ZNF586: variants seen among roughly 807,000 people sequenced by gnomAD.
ZNF586 encodes zinc finger protein 586.
Under a neutral mutation model 6.7 loss-of-function variants are expected in ZNF586, and 7 were observed. That is an observed-to-expected ratio of 1.04 (90% CI 0.59 to 1.95). ZNF586 has a LOEUF of 1.95. Among genes scored for constraint, ZNF586 ranks in the 30% most tolerant of loss-of-function variants. The pLI is 0.00. For missense variants in ZNF586, 442 were observed against 489.6 expected, an observed-to-expected ratio of 0.90 and a Z score of 0.92; for synonymous variants, 166 against 168.7, an observed-to-expected ratio of 0.98 and a Z score of 0.12.
chr19:57,771,273 C>A (rs1196741059), intron 1 of ZNF586, among the ~76,000 whole-genome samples: 3 of 148,118 alleles, frequency 2.0e-5, no homozygotes, highest in Admixed American at 6.8e-5. Flanking sequence ...TGCACTCCAG[C>A]CTGGGCGACA....
intron 1 of ZNF586, among the ~76,000 whole-genome samples, chr19:57,772,098 A>C (rs1468416027): frequency 6.6e-6 from 1 of 152,202 alleles, no homozygotes; most frequent in Non-Finnish European, 1.5e-5. Context: ...CTGGGATTAC[A>C]GGCTTGAGCC....
At chr19:57,770,573 G>A (rs1987070871) in intron 1 of ZNF586, among the ~76,000 whole-genome samples, 1 of 152,194 alleles carries the variant, frequency 6.6e-6, no homozygotes, top group Non-Finnish European at 1.5e-5. Context: ...AGAGTTGAAG[G>A]CAGTGATGAG....
chr19:57,770,887 A>G (rs1987078900), intron 1 of ZNF586, among the ~76,000 whole-genome samples: 1 of 151,560 alleles, frequency 6.6e-6, no homozygotes, highest in African/African-American at 2.4e-5. Flanking sequence ...GTTCTCACTC[A>G]ACACCCAGGC....
intron 2 of ZNF586, among the ~76,000 whole-genome samples, chr19:57,777,849 A>G (rs866912565): frequency 7.5e-6 from 1 of 133,156 alleles, no homozygotes; most frequent in Admixed American, 9.1e-5. Flanking sequence ...TCCGCCTCCC[A>G]GGTTCAAGTG....
At position 57,776,588 on chromosome 19, in the gene ZNF586, G is replaced by T; in HGVS notation, c.82G>T (p.Glu28Ter). ...EDVAVNFSLEEWSLLNEAQRC... is the reference protein window; with the variant it reads ...EDVAVNFSLE ...TGTGGCTGTAAACTTTTCCCTGGAG[G>T]AATGGAGTCTTCTTAATGAGGCTCA... Residue 28 changes from glutamate (E) to a stop codon, truncating the protein, a stop_gained, in exon 2 of 3, where the codon GAA (glutamate) becomes TAA (stop). Coordinates refer to ENST00000396154, the MANE Select transcript of ZNF586 (RefSeq NM_017652.4). LOFTEE classifies it high-confidence loss of function. The T allele has an allele frequency of 3.1e-6, 5 of 1,613,740 alleles. No individual in the cohort carries two copies. Among genetic ancestry groups the T allele is most frequent in the Non-Finnish European group, 4.2e-6 (5 of 1,179,846 alleles).
In ZNF586 at chr19:57,779,749, T is replaced by C; in HGVS notation, c.1162T>C (p.Phe388Leu). ...AAAATCATTTCGCCACAGTTCTTCG[T>C]TCCGTCGCCATCAGAGAGTTCATAC... ...CGKSFRHSSS[F>L]RRHQRVHTGM... The change falls in exon 3 of 3, where the codon TTC becomes CTC. Residue 388 changes from phenylalanine (F) to leucine (L), a missense_variant. By Grantham distance (22) the Phe-to-Leu change is conservative. Transcript: ENST00000396154. The C allele has an allele frequency of 6.2e-7, 1 of 1,611,182 alleles. No homozygotes were observed. The highest frequency in any genetic ancestry group is 8.5e-7 in the Non-Finnish European group (1 of 1,178,084).
intron 1 of ZNF586, among the ~76,000 whole-genome samples, chr19:57,775,923 A>T (rs1300545627): frequency 6.6e-6 from 1 of 151,948 alleles, no homozygotes; most frequent in Non-Finnish European, 1.5e-5. Context: ...TGCATAGTGC[A>T]ACCCCCATGT....
intron 2 of ZNF586, among the ~76,000 whole-genome samples, chr19:57,777,956 A>T (rs544977657): frequency 3.3e-5 from 5 of 150,348 alleles, no homozygotes; most frequent in Non-Finnish European, 7.4e-5. Context: ...ATAGGGTTTT[A>T]CCATGCTGGC....
intron 1 of ZNF586, among the ~76,000 whole-genome samples, chr19:57,772,512 T>TG: frequency 6.6e-6 from 1 of 151,780 alleles, no homozygotes; most frequent in African/African-American, 2.4e-5. Flanking sequence ...TTTTTTTTTT[T>TG]ACCTGTCCTT....
At position 57,779,789 on chromosome 19, in the gene ZNF586, A is replaced by G. The variant is rs992319089; in HGVS notation, c.1202A>G (p.Tyr401Cys). 1.1e-5 allele frequency: 18 copies of G among 1,571,822 alleles called. No homozygotes were observed. Among genetic ancestry groups the G allele is most frequent in the Admixed American group, 1.9e-5 (1 of 53,030 alleles). ...HQRVHTGMRP[Y>C]K is the part of the protein sequence containing the mutation. ...AGAGTTCATACTGGAATGAGGCCTT[A>G]TAAGTGAAGCAAATTTTGGAAATTC... The change falls in exon 3 of 3, where the codon TAT becomes TGT. Residue 401 changes from tyrosine to cysteine, a missense_variant. Transcript: ENST00000396154.
chr19:57,774,455 G>A (rs113167714), intron 1 of ZNF586, among the ~76,000 whole-genome samples: 1,844 of 150,218 alleles, frequency 0.012, 38 homozygotes, highest in African/African-American at 0.043. Context: ...CCTGGGAGGT[G>A]GAGGTTGCGG....
rs532741611 is a variant in ZNF586 at position 57,771,686 on chromosome 19, T to C, written c.36+1808T>C. Among the ~76,000 whole-genome samples, 17 of 152,204 alleles carry C rather than the reference T, an allele frequency of 1.1e-4. No homozygotes were observed. In the South Asian group the frequency reaches 2.9e-3, roughly 26 times the overall value. On this transcript the variant is annotated intron_variant, in intron 1 of 2. Coordinates refer to ENST00000396154, the MANE Select transcript of ZNF586 (RefSeq NM_017652.4). ...TAATAGGCGCTGTCTGGTTACTGAG[T>C]GGGCAACAGACTGTGGGGTTGAGGG...
chr19:57,772,112 G>A (rs1368231450), intron 1 of ZNF586, among the ~76,000 whole-genome samples: 3 of 152,156 alleles, frequency 2.0e-5, no homozygotes, highest in South Asian at 4.1e-4. Flanking sequence ...TTGAGCCACC[G>A]TGCCCAGCCT....
rs867018700 is a variant in ZNF586 at position 57,769,857 on chromosome 19, C to T, written c.15C>T (p.Ala5=). 4.5e-6 allele frequency: 7 copies of T among 1,544,010 alleles called. No homozygotes were observed. The Admixed American group carries it at 5.9e-5, about 13-fold the overall frequency. Reference sequence around the variant, plus strand: ...CGCCCAGAGTCATGGCGGCAGCAGCCGCTCTGAGGGCGCCTGCTCAGGTGA... The same window carrying T: ...CGCCCAGAGTCATGGCGGCAGCAGCTGCTCTGAGGGCGCCTGCTCAGGTGA... MAAA[A]ALRAPAQSSV... Residue 5 remains alanine (A), a synonymous_variant, in exon 1 of 3, where the codon GCC becomes GCT. Coordinates refer to ENST00000396154, the MANE Select transcript of ZNF586 (RefSeq NM_017652.4).
intron 1 of ZNF586, 35 bp from the exon 2 acceptor site, chr19:57,776,508 G>C: frequency 6.3e-7 from 1 of 1,596,978 alleles, no homozygotes; most frequent in African/African-American, 1.3e-5. Flanking sequence ...CAGCATAGGG[G>C]CCATTTGTGG....
Position 57,769,771 on chromosome 19 carries a change from C to T in ZNF586, c.-72C>T, listed in dbSNP as rs1345430798. ...AGGCGGATCTGAGGTTCGGCGACGC[C>T]GCTGGTCGCGACCCGGGACAGGACA... On this transcript the variant is annotated 5_prime_UTR_variant, in exon 1 of 3. Transcript: ENST00000396154. 4 of 1,496,268 alleles carry T rather than the reference C, an allele frequency of 2.7e-6. No individual in the cohort carries two copies. The highest frequency in any genetic ancestry group is 2.0e-5 in the Admixed American group (1 of 50,788). 92.7% of individuals were successfully genotyped at this position (1,496,268 alleles called of 1,614,324 possible).
At chr19:57,776,848 A>T (rs1276582218) in intron 2 of ZNF586, among the ~76,000 whole-genome samples, 179 bp downstream of exon 2, 1 of 151,918 alleles carries the variant, frequency 6.6e-6, no homozygotes, top group Non-Finnish European at 1.5e-5. Context: ...AGCAGCCCCA[A>T]CCTGCTTTGT....
At chr19:57,774,216 C>CAAA (rs34864063) in intron 1 of ZNF586, among the ~76,000 whole-genome samples, 5 of 68,950 alleles carry the variant, frequency 7.3e-5, no homozygotes, top group Admixed American at 1.8e-4. Context: ...AACTCCGTCT[C>CAAA]AAAAAAAAAA....
rs1348124323 is a variant in ZNF586 at position 57,778,635 on chromosome 19, C to T, written c.164-116C>T. The T allele has an allele frequency of 3.1e-6, 3 of 954,570 alleles. 1 individual carries two copies. The highest frequency in any genetic ancestry group is 3.3e-5 in the African/African-American group (2 of 61,012). The allele number at this position is 954,570 out of a possible 1,614,324, so 59.1% of individuals were successfully genotyped here. On this transcript the variant is annotated intron_variant, in intron 2 of 2. Coordinates refer to ENST00000396154, the MANE Select transcript of ZNF586 (RefSeq NM_017652.4). ...CCCAACCTCAACCTGAACCCAACTC[C>T]CTGTTTGTGCAAATAATTCCATAGA...
Sources: allele counts gnomAD v4.1 joint callset (sites outside exome capture counted in the v4.1 genomes callset), GRCh38; gene constraint gnomAD v4.1.1; transcripts MANE v1.5; gene names NCBI Gene and HGNC (gene_info 2026-07-23, HGNC 2026-07-21).